Variants in RPF2 observed in about 807,000 individuals in gnomAD.
RPF2 encodes ribosome production factor 2 homolog, also known as brix domain containing 1.
A neutral mutation model predicts 38.9 loss-of-function variants in RPF2; 21 were observed. The observed-to-expected ratio is 0.54, with a 90% confidence interval of 0.38 to 0.78. The LOEUF (loss-of-function observed/expected upper bound fraction) is 0.78, where lower values mean the gene tolerates loss of function less well. RPF2 is among the 30% of genes least tolerant of loss of function. The probability of loss-of-function intolerance (pLI) is 0.00; values close to 1 mark genes in which losing one functional copy is unlikely to be tolerated. For synonymous variants in RPF2, 121 were observed against 126.2 expected (o/e 0.96, Z 0.28); for missense variants, 314 against 358.1 (o/e 0.88, Z 0.99).
intron 8 of RPF2, among the ~76,000 whole-genome samples, chr6:111,017,133 TC>T (rs1234062832): frequency 6.6e-6 from 1 of 152,014 alleles, no homozygotes; most frequent in African/African-American, 2.4e-5. Flanking sequence ...TCCCCACATT[TC>T]CCCCCTTTCC....
At position 111,025,757 on chromosome 6, in the gene RPF2, A is replaced by G; in HGVS notation, c.*175A>G. The G allele has an allele frequency of 2.2e-6, 1 of 454,480 alleles. No homozygotes were observed. Among genetic ancestry groups the G allele is most frequent in the Non-Finnish European group, 3.8e-6 (1 of 264,542 alleles). The allele number at this position is 454,480 out of a possible 1,614,324, so 28.2% of individuals were successfully genotyped here. On this transcript the variant is annotated 3_prime_UTR_variant, in exon 10 of 10. Transcript: ENST00000441448. ...GTATTAAGTGTAAAGTAAGCCTTTT[A>G]TTTGAGACATTACACCCTGGTGTGC... is the stretch of plus-strand genomic sequence containing the variant.
chr6:110,998,800 C>A (rs2114312408), intron 5 of RPF2, among the ~76,000 whole-genome samples: 1 of 151,940 alleles, frequency 6.6e-6, no homozygotes, highest in Non-Finnish European at 1.5e-5. Context: ...AGGCAGGCTC[C>A]CAAGAAATAG....
At chr6:110,990,141 T>C (rs1009019536) in intron 3 of RPF2, among the ~76,000 whole-genome samples, 1 of 151,690 alleles carries the variant, frequency 6.6e-6, no homozygotes, top group African/African-American at 2.4e-5. Context: ...TTTCTCCATG[T>C]TGGTCAGGCT....
rs34703789 is a variant in RPF2 at position 110,990,559 on chromosome 6, ACCCC to A, written c.195-1177_195-1174del. Reference sequence around the variant, plus strand: ...AAATTGTTCTGTTTGGCAATTGGGAACCCCCCCCCCCCCCACCTTTTCTTTTGTT... The same window carrying A: ...AAATTGTTCTGTTTGGCAATTGGGAACCCCCCCCCCACCTTTTCTTTTGTT... On this transcript the variant is annotated intron_variant, in intron 3 of 9. Transcript: ENST00000441448. Among the ~76,000 whole-genome samples, 73 of 77,328 alleles carry A rather than the reference ACCCC, an allele frequency of 9.4e-4. 1 individual carries two copies. The highest frequency in any genetic ancestry group is 2.5e-3 in the East Asian group (7 of 2,752). 50.7% of individuals were successfully genotyped at this position (77,328 alleles called of 152,430 possible).
At position 110,993,266 on chromosome 6, in the gene RPF2, GT is replaced by G. The variant is rs1017719640; in HGVS notation, c.234+1488del. Among the ~76,000 whole-genome samples the G allele has an allele frequency of 1.3e-3, 158 of 124,602 alleles. 1 individual carries two copies. The highest frequency in any genetic ancestry group is 4.9e-3 in the African/African-American group (154 of 31,496). 81.7% of individuals were successfully genotyped at this position (124,602 alleles called of 152,430 possible). A position where few individuals can be genotyped will look rare whatever the true frequency, so the allele number is the denominator to read the frequency against. On this transcript the variant is annotated intron_variant, in intron 4 of 9. Transcript: ENST00000441448. ...AACCAGGAACCCATTATTTGTTGTTGTTTTTTTTCTTAAGTTCACTTGACCT... is the reference window on the plus strand; with the variant it reads ...AACCAGGAACCCATTATTTGTTGTTGTTTTTTTCTTAAGTTCACTTGACCT...
rs4615427 is a variant in RPF2, at chr6:110,992,207, G to A, written c.234+421G>A. ...TGCCTGTAATCCCAGCTACTAAGGC[G>A]GCTGAGGCAGGATAGTCACTTGACC... On this transcript the variant is annotated intron_variant, in intron 4 of 9. Coordinates refer to ENST00000441448, the MANE Select transcript of RPF2 (RefSeq NM_032194.3). Among the ~76,000 whole-genome samples, 1,127 of 152,122 alleles carry A rather than the reference G, an allele frequency of 7.4e-3. 15 individuals carry two copies. Among genetic ancestry groups the A allele is most frequent in the African/African-American group, 0.026 (1,079 of 41,484 alleles).
chr6:111,019,439 A>G (rs1163418570), intron 8 of RPF2, among the ~76,000 whole-genome samples: 1 of 152,062 alleles, frequency 6.6e-6, no homozygotes, highest in Non-Finnish European at 1.5e-5. Flanking sequence ...GACTGTCTGA[A>G]AAAAACAAAA....
At chr6:111,006,904 T>C (rs967791387) in intron 6 of RPF2, among the ~76,000 whole-genome samples, 15 of 151,604 alleles carry the variant, frequency 9.9e-5, no homozygotes, top group Admixed American at 9.9e-4. Flanking sequence ...AGAAACCCCA[T>C]CTCTACTAAA....
chr6:110,983,706 T>C (rs1333312209), intron 1 of RPF2, among the ~76,000 whole-genome samples: 1 of 152,080 alleles, frequency 6.6e-6, no homozygotes, highest in Non-Finnish European at 1.5e-5. Context: ...ACCTGTCTGT[T>C]CAATTGCCTC....
chr6:111,014,441 CT>C, intron 7 of RPF2, among the ~76,000 whole-genome samples: 1 of 152,030 alleles, frequency 6.6e-6, no homozygotes, highest in East Asian at 1.9e-4. Flanking sequence ...CTGTGATTTT[CT>C]TTTGGTTAAG....
At chr6:111,015,700 T>C (rs761969490) in intron 7 of RPF2, 54 bp from the exon 8 acceptor site, 7 of 1,246,952 alleles carry the variant, frequency 5.6e-6, no homozygotes, top group Non-Finnish European at 7.0e-6. Flanking sequence ...TCTTTGTAAC[T>C]GAATTTTGCA....
At chr6:110,998,261 A>C (rs1020914030) in intron 5 of RPF2, among the ~76,000 whole-genome samples, 8 of 152,122 alleles carry the variant, frequency 5.3e-5, no homozygotes, top group African/African-American at 1.9e-4. Flanking sequence ...GCCTGCCAGC[A>C]CTGGGAGGGG....
chr6:111,018,150 G>A (rs919251985), intron 8 of RPF2, among the ~76,000 whole-genome samples: 11 of 151,504 alleles, frequency 7.3e-5, no homozygotes, highest in African/African-American at 1.9e-4. Context: ...TGCAGTGAGC[G>A]GAGATGGCAG....
At chr6:111,017,904 G>C (rs989828239) in intron 8 of RPF2, among the ~76,000 whole-genome samples, 2 of 152,030 alleles carry the variant, frequency 1.3e-5, no homozygotes, top group African/African-American at 4.8e-5. Flanking sequence ...TCACGCCACT[G>C]CACTCCAGCC....
rs758069202 is a variant in RPF2 at position 110,989,087 on chromosome 6, T to G, written c.194+22T>G. On this transcript the variant is annotated intron_variant, in intron 3 of 9. Coordinates refer to ENST00000441448, the MANE Select transcript of RPF2 (RefSeq NM_032194.3). ...AAAAGTAAGTCATGATTTCTTTTAC[T>G]GTATTTTAAATGATTTTGTTTCATT... 4.6e-6 allele frequency: 7 copies of G among 1,522,310 alleles called. No homozygotes were observed. The South Asian group carries it at 5.3e-5, about 11-fold the overall frequency. 94.3% of individuals were successfully genotyped at this position (1,522,310 alleles called of 1,614,324 possible). A position where few individuals can be genotyped will look rare whatever the true frequency, so the allele number is the denominator to read the frequency against.
intron 6 of RPF2, among the ~76,000 whole-genome samples, chr6:111,002,773 CTT>C (rs35740019): frequency 9.4e-5 from 14 of 148,334 alleles, no homozygotes; most frequent in African/African-American, 2.5e-4. Context: ...ATTAGGCAGT[CTT>C]TTTTTTTTTT....
intron 1 of RPF2, 187 bp downstream of exon 1, chr6:110,982,316 A>G: frequency 3.1e-6 from 2 of 646,942 alleles, no homozygotes; most frequent in South Asian, 1.9e-5. Flanking sequence ...GGAAGCTCTC[A>G]AGTGGGAGCC....
At chr6:111,023,863 C>G (rs1772275043) in intron 8 of RPF2, among the ~76,000 whole-genome samples, 1 of 152,006 alleles carries the variant, frequency 6.6e-6, no homozygotes, top group African/African-American at 2.4e-5. Flanking sequence ...TGGCGGGTGC[C>G]TGTAGTCCCA....
chr6:110,985,132 A>G lies in RPF2; in HGVS notation c.150A>G (p.Lys50=). The G allele has an allele frequency of 6.2e-7, 1 of 1,613,192 alleles. No homozygotes were observed. The highest frequency in any genetic ancestry group is 1.1e-5 in the South Asian group (1 of 90,990). ...ATGCAACAGTGACAAAAGTACTTAA[A>G]GATGTGGTAAGTATATATACTTAAT... The part of the protein sequence containing the change: ...NANATVTKVL[K]DVYALKKPYG... Residue 50 remains lysine (K), a synonymous_variant, in exon 2 of 10, where the codon AAA becomes AAG. Transcript: ENST00000441448.
Sources: allele counts gnomAD v4.1 joint callset (sites outside exome capture counted in the v4.1 genomes callset), GRCh38; gene constraint gnomAD v4.1.1; transcripts MANE v1.5; gene names NCBI Gene and HGNC (gene_info 2026-07-23, HGNC 2026-07-21).